The following CRISPLD1 variants were observed in gnomAD, a reference collection of about 807,000 sequenced individuals.
CRISPLD1 encodes cysteine-rich secretory protein LCCL domain-containing 1.
In CRISPLD1, 60 loss-of-function variants were observed where a neutral mutation model predicts 77.5. That is an observed-to-expected ratio of 0.77 (90% confidence interval 0.63 to 0.96). The LOEUF (loss-of-function observed/expected upper bound fraction) is 0.96, where lower values mean the gene tolerates loss of function less well. Among genes scored for constraint, CRISPLD1 ranks in the 40% least tolerant of loss-of-function variants. The pLI is 0.00. For missense variants in CRISPLD1, 623 were observed against 615.8 expected, an observed-to-expected ratio of 1.01 and a Z score of -0.12; for synonymous variants, 195 against 200.1, an observed-to-expected ratio of 0.97 and a Z score of 0.22.
At chr8:75,006,834 C>T (rs1411486790) in intron 2 of CRISPLD1, among the ~76,000 whole-genome samples, 1 of 151,808 alleles carries the variant, frequency 6.6e-6, no homozygotes. Context: ...TCACCTCCAC[C>T]CCACTAATCT....
intron 2 of CRISPLD1, among the ~76,000 whole-genome samples, chr8:75,005,698 A>T (rs1812816896): frequency 1.3e-5 from 2 of 152,264 alleles, no homozygotes; most frequent in Middle Eastern, 3.4e-3. Context: ...ATGCACATTT[A>T]TGTGTCTCTA....
chr8:74,992,905 GTT>G (rs771210880), intron 2 of CRISPLD1, among the ~76,000 whole-genome samples: 5 of 115,206 alleles, frequency 4.3e-5, no homozygotes, highest in South Asian at 2.9e-4. Context: ...AGAAATTATG[GTT>G]TTTTTTTTTT....
rs185488689 is a variant in CRISPLD1, at chr8:75,034,472, C to T, written c.*2230C>T. The T allele has an allele frequency of 6.6e-6, 1 of 152,198 alleles. No individual in the cohort carries two copies. Among genetic ancestry groups the T allele is most frequent in the Non-Finnish European group, 1.5e-5 (1 of 67,942 alleles). 9.4% of individuals were successfully genotyped at this position (152,198 alleles called of 1,614,324 possible). On this transcript the variant is annotated 3_prime_UTR_variant, in exon 15 of 15. Coordinates refer to ENST00000262207, the MANE Select transcript of CRISPLD1 (RefSeq NM_031461.6). ...CTGTCATATACTATTGATCCTTTGGCACTTAAATAAATGTGAAATCCTCCA... is the reference window on the plus strand; with the variant it reads ...CTGTCATATACTATTGATCCTTTGGTACTTAAATAAATGTGAAATCCTCCA...
In CRISPLD1 at chr8:75,030,826, ATG is replaced by A. The variant is rs367643781; in HGVS notation, c.1451+1313_1451+1314del. Among the ~76,000 whole-genome samples, 244 of 151,620 alleles carry A rather than the reference ATG, an allele frequency of 1.6e-3. 2 individuals carry two copies. The highest frequency in any genetic ancestry group is 5.4e-3 in the African/African-American group (225 of 41,348). On this transcript the variant is annotated intron_variant, in intron 14 of 14. Coordinates refer to ENST00000262207, the MANE Select transcript of CRISPLD1 (RefSeq NM_031461.6). ...TGCATATGTGTATGTGTATGTATAT[ATG>A]TGTTTCTGTGTATATATGTGAATGT... is the stretch of plus-strand genomic sequence containing the variant.
chr8:75,032,314 A>G lies in CRISPLD1; in HGVS notation c.*72A>G, dbSNP rs910080266. ...ATTTCTGAATTTTGTATAAAACTGT[A>G]ACATTACTGTACAGAGTACATCAAC... On this transcript the variant is annotated 3_prime_UTR_variant, in exon 15 of 15. Coordinates refer to ENST00000262207, the MANE Select transcript of CRISPLD1 (RefSeq NM_031461.6). 7.4e-6 allele frequency: 9 copies of G among 1,213,840 alleles called. No individual in the cohort carries two copies. Among genetic ancestry groups the G allele is most frequent in the South Asian group, 4.0e-5 (3 of 74,702 alleles). 75.2% of individuals were successfully genotyped at this position (1,213,840 alleles called of 1,614,324 possible).
At chr8:75,023,720 AAC>A (rs1813181657) in intron 12 of CRISPLD1, among the ~76,000 whole-genome samples, 1 of 152,094 alleles carries the variant, frequency 6.6e-6, no homozygotes, top group Non-Finnish European at 1.5e-5. Flanking sequence ...TAGTTATGTT[AAC>A]AGTCTCATTT....
chr8:74,997,007 G>A (rs1252811396), intron 2 of CRISPLD1, among the ~76,000 whole-genome samples: 1 of 152,130 alleles, frequency 6.6e-6, no homozygotes, highest in Non-Finnish European at 1.5e-5. Context: ...GAGAGCCACT[G>A]TGCCTGGCCC....
chr8:75,032,386 C>A lies in CRISPLD1; in HGVS notation c.*144C>A. 1 of 443,028 alleles carries A rather than the reference C, an allele frequency of 2.3e-6. No homozygotes were observed. Among genetic ancestry groups the A allele is most frequent in the South Asian group, 6.9e-5 (1 of 14,540 alleles). The allele number at this position is 443,028 out of a possible 1,614,324, so 27.4% of individuals were successfully genotyped here. A position where few individuals can be genotyped will look rare whatever the true frequency, so the allele number is the denominator to read the frequency against. ...CCAAATGCATATAAATCTTGATAAA[C>A]AAAGTCTATAAAATAAAACATGGGA... is the stretch of plus-strand genomic sequence containing the variant. On this transcript the variant is annotated 3_prime_UTR_variant, in exon 15 of 15. Coordinates refer to ENST00000262207, the MANE Select transcript of CRISPLD1 (RefSeq NM_031461.6).
intron 2 of CRISPLD1, among the ~76,000 whole-genome samples, chr8:74,998,623 G>A (rs1812681883): frequency 7.3e-6 from 1 of 136,314 alleles, no homozygotes; most frequent in Admixed American, 7.6e-5. Flanking sequence ...GGGAGACGGA[G>A]GTTTTAGTGA....
At chr8:74,996,055 T>A (rs1035096150) in intron 2 of CRISPLD1, among the ~76,000 whole-genome samples, 49 of 146,862 alleles carry the variant, frequency 3.3e-4, no homozygotes, top group Non-Finnish European at 5.1e-4. Flanking sequence ...TATATATATA[T>A]AAATACGCAT....
intron 14 of CRISPLD1, among the ~76,000 whole-genome samples, chr8:75,031,349 TAAAAC>T (rs1162912217): frequency 6.6e-6 from 1 of 152,062 alleles, no homozygotes; most frequent in Non-Finnish European, 1.5e-5. Flanking sequence ...ATTAAGAAAA[TAAAAC>T]TTTATGTAAA....
At chr8:75,027,445 A>G (rs570749236) in intron 13 of CRISPLD1, among the ~76,000 whole-genome samples, 6 of 152,356 alleles carry the variant, frequency 3.9e-5, no homozygotes, top group Non-Finnish European at 7.3e-5. Flanking sequence ...AGTCACGTCT[A>G]GTGAAAGTCT....
At chr8:74,987,539 T>C (rs1411843491) in intron 2 of CRISPLD1, among the ~76,000 whole-genome samples, 1 of 152,240 alleles carries the variant, frequency 6.6e-6, no homozygotes, top group African/African-American at 2.4e-5. Context: ...TAACTAATTT[T>C]ATGTTTCCTT....
At position 74,997,680 on chromosome 8, in the gene CRISPLD1, T is replaced by C. The variant is rs186390346; in HGVS notation, c.258+11435T>C. On this transcript the variant is annotated intron_variant, in intron 2 of 14. Coordinates refer to ENST00000262207, the MANE Select transcript of CRISPLD1 (RefSeq NM_031461.6). ...ATATAGAGGTTGAGCCGAAAGAAGT[T>C]AGCTGAGAACCAGTGGTCAGCAAGG... Among the ~76,000 whole-genome samples, 22 of 152,278 alleles carry C rather than the reference T, an allele frequency of 1.4e-4. No homozygotes were observed. The Middle Eastern group carries it at 0.01, about 71-fold the overall frequency.
At chr8:75,029,112 G>A (rs1813285631) in intron 13 of CRISPLD1, among the ~76,000 whole-genome samples, 1 of 152,170 alleles carries the variant, frequency 6.6e-6, no homozygotes, top group Non-Finnish European at 1.5e-5. Flanking sequence ...AAAGCCTACT[G>A]TTTGGACAGA....
Position 75,004,631 on chromosome 8 carries a change from A to G in CRISPLD1, c.259-7802A>G, listed in dbSNP as rs143004794. Among the ~76,000 whole-genome samples the G allele has an allele frequency of 2.2e-3, 342 of 152,226 alleles. 3 individuals are homozygous for G. The highest frequency in any genetic ancestry group is 7.9e-3 in the African/African-American group (327 of 41,550). On this transcript the variant is annotated intron_variant, in intron 2 of 14. Coordinates refer to ENST00000262207, the MANE Select transcript of CRISPLD1 (RefSeq NM_031461.6). ...TCAGATTCTTGGATTGTAGTTTCTG[A>G]TTTAAATAGGAAAACACAAAAGATT...
At chr8:74,986,542 T>C (rs950177743) in intron 2 of CRISPLD1, among the ~76,000 whole-genome samples, 3 of 152,218 alleles carry the variant, frequency 2.0e-5, no homozygotes, top group Admixed American at 2.0e-4. Context: ...ATATTTGCTG[T>C]TAATTGACTT....
intron 2 of CRISPLD1, among the ~76,000 whole-genome samples, chr8:75,009,834 ATTC>A (rs1025786104): frequency 1.3e-5 from 2 of 152,092 alleles, no homozygotes; most frequent in East Asian, 1.9e-4. Flanking sequence ...TTCTTACTTA[ATTC>A]TTCTTTGGAC....
At chr8:75,005,544 T>C (rs1340384517) in intron 2 of CRISPLD1, among the ~76,000 whole-genome samples, 2 of 152,076 alleles carry the variant, frequency 1.3e-5, no homozygotes, top group East Asian at 1.9e-4. Context: ...CCTTGACTTA[T>C]ATAGGTCCAG....
Sources: allele counts gnomAD v4.1 joint callset (sites outside exome capture counted in the v4.1 genomes callset), GRCh38; gene constraint gnomAD v4.1.1; transcripts MANE v1.5; gene names NCBI Gene and HGNC (gene_info 2026-07-23, HGNC 2026-07-21).